Variants in NLGN1 observed in about 807,000 individuals in gnomAD.
NLGN1 encodes neuroligin 1.
In NLGN1, 12 loss-of-function variants were observed where a neutral mutation model predicts 65.5. The observed-to-expected ratio is 0.18, with a 90% CI of 0.12 to 0.30. The LOEUF (loss-of-function observed/expected upper bound fraction) is 0.30. Ranked by LOEUF, NLGN1 falls within the 10% of genes least tolerant of loss-of-function variation. The probability of loss-of-function intolerance (pLI) is 1.00; values close to 1 mark genes in which losing one functional copy is unlikely to be tolerated. For missense variants in NLGN1, 750 were observed against 1,007.1 expected (o/e 0.74, Z 3.46); for synonymous variants, 350 against 359.5 (o/e 0.97, Z 0.30).
chr3:173,491,712 A>G (rs1186090559), intron 2 of NLGN1, among the ~76,000 whole-genome samples: 1 of 151,734 alleles, frequency 6.6e-6, no homozygotes, highest in Admixed American at 6.6e-5. Context: ...CCATACATTT[A>G]TGACTTCCAT....
chr3:174,068,563 C>A (rs143111971), intron 4 of NLGN1, among the ~76,000 whole-genome samples: 140 of 152,206 alleles, frequency 9.2e-4, no homozygotes, highest in African/African-American at 3.2e-3. Flanking sequence ...TTGACCTGAA[C>A]CTAAGTCTAT....
chr3:174,251,829 A>C (rs1308584887), intron 4 of NLGN1, among the ~76,000 whole-genome samples: 1 of 152,174 alleles, frequency 6.6e-6, no homozygotes, highest in African/African-American at 2.4e-5. Flanking sequence ...GCTTTGCCTG[A>C]AGAGTAAAGA....
intron 4 of NLGN1, among the ~76,000 whole-genome samples, chr3:174,165,375 T>C (rs1727308051): frequency 6.6e-6 from 1 of 151,990 alleles, no homozygotes; most frequent in Non-Finnish European, 1.5e-5. Flanking sequence ...TATGTTCCTT[T>C]AAAGCCTAGT....
chr3:173,402,236 A>G (rs971141819), intron 1 of NLGN1, among the ~76,000 whole-genome samples: 3 of 152,192 alleles, frequency 2.0e-5, no homozygotes, highest in African/African-American at 7.2e-5. Context: ...CCTACCATCT[A>G]CCTACCAATA....
intron 4 of NLGN1, among the ~76,000 whole-genome samples, chr3:173,957,802 G>A (rs1409111279): frequency 6.6e-6 from 1 of 152,208 alleles, no homozygotes; most frequent in East Asian, 1.9e-4. Context: ...TGACGCCTTT[G>A]CCTCGGTTTT....
chr3:173,935,622 A>ACTCACTCT, intron 4 of NLGN1, among the ~76,000 whole-genome samples: 1 of 108,072 alleles, frequency 9.3e-6, no homozygotes, highest in African/African-American at 3.8e-5. Flanking sequence ...ACACACACAC[A>ACTCACTCT]CTCTCTCTCT....
chr3:173,461,141 A>G (rs1446133075), intron 2 of NLGN1, among the ~76,000 whole-genome samples: 1 of 152,142 alleles, frequency 6.6e-6, no homozygotes, highest in East Asian at 1.9e-4. Context: ...CACCTATATG[A>G]GCCTTGATGT....
intron 2 of NLGN1, among the ~76,000 whole-genome samples, chr3:173,459,728 T>C (rs1723062127): frequency 6.6e-6 from 1 of 152,144 alleles, no homozygotes. Context: ...TATGCTATAA[T>C]GATAAGCCAT....
chr3:174,028,642 A>G (rs1729318080), intron 4 of NLGN1, among the ~76,000 whole-genome samples: 2 of 152,254 alleles, frequency 1.3e-5, no homozygotes, highest in Admixed American at 1.3e-4. Context: ...TTAAAAGGGA[A>G]GCAGCGTATA....
chr3:173,911,230 G>T (rs1739523511), intron 4 of NLGN1, among the ~76,000 whole-genome samples: 1 of 152,112 alleles, frequency 6.6e-6, no homozygotes, highest in Non-Finnish European at 1.5e-5. Flanking sequence ...GCTTTTTATA[G>T]CTAATATTCT....
chr3:173,783,443 G>A (rs1397216141), intron 3 of NLGN1, among the ~76,000 whole-genome samples: 1 of 152,146 alleles, frequency 6.6e-6, no homozygotes, highest in Non-Finnish European at 1.5e-5. Flanking sequence ...TAAGAAGGTT[G>A]CAGCTGATTA....
intron 1 of NLGN1, among the ~76,000 whole-genome samples, chr3:173,415,919 G>GAGAAGGAGA (rs1713651073): frequency 8.0e-6 from 1 of 125,204 alleles, no homozygotes; most frequent in African/African-American, 3.3e-5. Context: ...AGAGAGAGAG[G>GAGAAGGAGA]GAGAGAGAGA....
At chr3:173,641,826 AT>A (rs1371187287) in intron 3 of NLGN1, among the ~76,000 whole-genome samples, 2 of 152,194 alleles carry the variant, frequency 1.3e-5, no homozygotes, top group Non-Finnish European at 2.9e-5. Flanking sequence ...TTTGTAAATA[AT>A]ATTTTATTGG....
At chr3:173,966,310 C>A (rs1255475688) in intron 4 of NLGN1, among the ~76,000 whole-genome samples, 1 of 152,112 alleles carries the variant, frequency 6.6e-6, no homozygotes, top group Non-Finnish European at 1.5e-5. Context: ...CAAAAAGAAT[C>A]TGACATGTGA....
At chr3:174,102,077 G>T (rs1025605209) in intron 4 of NLGN1, among the ~76,000 whole-genome samples, 1 of 152,096 alleles carries the variant, frequency 6.6e-6, no homozygotes, top group African/African-American at 2.4e-5. Flanking sequence ...TAACAAAAAA[G>T]TATTTCTACA....
At chr3:173,975,730 C>A (rs1717283327) in intron 4 of NLGN1, among the ~76,000 whole-genome samples, 1 of 151,886 alleles carries the variant, frequency 6.6e-6, no homozygotes, top group African/African-American at 2.4e-5. Flanking sequence ...TCACTGAGCA[C>A]CCTATCAACT....
At chr3:173,549,628 T>G (rs1254522355) in intron 2 of NLGN1, among the ~76,000 whole-genome samples, 1 of 152,096 alleles carries the variant, frequency 6.6e-6, no homozygotes, top group Admixed American at 6.6e-5. Flanking sequence ...ATTAGATTAA[T>G]TTATTTACAG....
chr3:174,280,772 G>A lies in NLGN1; in HGVS notation c.1941G>A (p.Thr647=), dbSNP rs753001817. 2.4e-5 allele frequency: 38 copies of A among 1,613,206 alleles called. No individual in the cohort carries two copies. Among genetic ancestry groups the A allele is most frequent in the Admixed American group, 3.3e-5 (2 of 59,904 alleles). ...CGAGAAAAAATTCTGTACCTGTCAC[G>A]TCAGCCTTTCCCACTGCCAAGCAGG... Residue 647 remains threonine (T), a synonymous_variant, in exon 7 of 7, where the codon ACG becomes ACA. Transcript: ENST00000457714. The surrounding 1 kb of genome is among the most constrained non-coding windows in gnomAD (Gnocchi z 4.9).
intron 4 of NLGN1, among the ~76,000 whole-genome samples, chr3:174,251,571 A>G (rs1744772854): frequency 6.6e-6 from 1 of 152,226 alleles, no homozygotes; most frequent in South Asian, 2.1e-4. Context: ...TTGGAAAAAA[A>G]GTTAGCTTGT....
Sources: gnomAD v4.1 joint callset for allele counts (sites outside exome capture counted in the v4.1 genomes callset) on GRCh38, gnomAD v4.1.1 for gene constraint, Gnocchi (gnomAD v3.1) non-coding constraint, MANE v1.5 for transcripts, NCBI Gene and HGNC (gene_info 2026-07-23, HGNC 2026-07-21) for gene names.